Variants in ARID5B observed in about 807,000 individuals in gnomAD.
ARID5B encodes the protein AT-rich interaction domain 5B, also known as AT-rich interactive domain-containing protein 5B.
Under a neutral mutation model 97.2 loss-of-function variants are expected in ARID5B, and 13 were observed. That is an observed-to-expected ratio of 0.13 (90% CI 0.09 to 0.21). ARID5B has a LOEUF of 0.21. Ranked by LOEUF, ARID5B falls within the 10% of genes least tolerant of loss-of-function variation. The pLI, the probability that ARID5B is intolerant of heterozygous loss-of-function variation, is 1.00. For synonymous variants in ARID5B, 556 were observed against 570.3 expected (o/e 0.97, Z 0.36); for missense variants, 1,210 against 1,465.3 (o/e 0.83, Z 2.84).
intron 7 of ARID5B, 58 bp from the exon 8 acceptor site, chr10:62,069,641 GC>G: frequency 6.8e-7 from 1 of 1,466,774 alleles, no homozygotes; most frequent in Non-Finnish European, 9.5e-7. Context: ...ATGTATTGAA[GC>G]CTGGCACTAT....
intron 7 of ARID5B, among the ~76,000 whole-genome samples, chr10:62,066,484 G>A (rs761158088): frequency 2.6e-5 from 4 of 152,212 alleles, no homozygotes; most frequent in South Asian, 4.2e-4. Flanking sequence ...CCACTTCCTC[G>A]AAGGGCCAGA....
chr10:62,069,866 T>C lies in ARID5B; in HGVS notation c.1199+69T>C, dbSNP rs188223680. 273 of 1,495,092 alleles carry C rather than the reference T, an allele frequency of 1.8e-4. No homozygotes were observed. In the African/African-American group the frequency reaches 3.4e-3, roughly 19 times the overall value. 92.6% of individuals were successfully genotyped at this position (1,495,092 alleles called of 1,614,324 possible). A position where few individuals can be genotyped will look rare whatever the true frequency, so the allele number is the denominator to read the frequency against. On this transcript the variant is annotated intron_variant, in intron 8 of 9. Coordinates refer to ENST00000279873, the MANE Select transcript of ARID5B (RefSeq NM_032199.3). ...ATTGAAAGGAGCTTCTGGTCAAGGATAAGACAGAGGAAGTCTAAATGACCT... is the reference window on the plus strand; with the variant it reads ...ATTGAAAGGAGCTTCTGGTCAAGGACAAGACAGAGGAAGTCTAAATGACCT...
At chr10:62,024,801 C>T (rs1839399532) in intron 4 of ARID5B, 2 of 385,082 alleles carry the variant, frequency 5.2e-6, no homozygotes, top group East Asian at 7.2e-5. Flanking sequence ...GAATGATCAT[C>T]TGTATTGTTA....
chr10:61,919,837 A>T (rs1843980677), intron 2 of ARID5B, among the ~76,000 whole-genome samples: 1 of 152,038 alleles, frequency 6.6e-6, no homozygotes, highest in Admixed American at 6.5e-5. Context: ...GCTCTAGTAA[A>T]AAGACTGAAG....
At chr10:61,910,561 G>A (rs1389466173) in intron 2 of ARID5B, among the ~76,000 whole-genome samples, 1 of 152,168 alleles carries the variant, frequency 6.6e-6, no homozygotes, top group African/African-American at 2.4e-5. Context: ...TTCTGGCCAC[G>A]CTGTGTTCCT....
chr10:61,957,154 G>C (rs140753306), intron 3 of ARID5B, among the ~76,000 whole-genome samples: 1 of 152,242 alleles, frequency 6.6e-6, no homozygotes, highest in East Asian at 1.9e-4. Flanking sequence ...TCTGAAATGT[G>C]GCTACTACAG....
chr10:61,946,137 G>A (rs1471973912), intron 3 of ARID5B, among the ~76,000 whole-genome samples: 1 of 150,762 alleles, frequency 6.6e-6, no homozygotes, highest in Non-Finnish European at 1.5e-5. Context: ...AATAAACTGA[G>A]CCATAAGTGG....
At chr10:62,079,631 G>A (rs1840183414) in intron 8 of ARID5B, among the ~76,000 whole-genome samples, 2 of 152,140 alleles carry the variant, frequency 1.3e-5, no homozygotes, top group South Asian at 4.1e-4. Flanking sequence ...CTTTATGGGA[G>A]CCGAGCCACC....
At chr10:61,982,500 TA>T (rs375295059) in intron 3 of ARID5B, among the ~76,000 whole-genome samples, 124 of 152,106 alleles carry the variant, frequency 8.2e-4, no homozygotes, top group Admixed American at 2.4e-3. Flanking sequence ...TATTCTGAGT[TA>T]AAAAAAATGC....
intron 2 of ARID5B, among the ~76,000 whole-genome samples, chr10:61,915,175 G>A (rs58936043): frequency 0.3 from 45,239 of 152,092 alleles, 7,291 homozygotes; most frequent in Non-Finnish European, 0.36. Flanking sequence ...TTTCACAGGA[G>A]AGAAGTCTCA....
At chr10:62,042,525 C>T (rs893248124) in intron 4 of ARID5B, among the ~76,000 whole-genome samples, 2 of 152,162 alleles carry the variant, frequency 1.3e-5, no homozygotes, top group Non-Finnish European at 2.9e-5. Context: ...CCTTTGCGTG[C>T]AGTATCAGCT....
At position 62,096,936 on chromosome 10, in the gene ARID5B, A is replaced by C. The variant is rs1241729206; in HGVS notation, c.*3906A>C. On this transcript the variant is annotated 3_prime_UTR_variant, in exon 10 of 10. Coordinates refer to ENST00000279873, the MANE Select transcript of ARID5B (RefSeq NM_032199.3). ...GTAATATTTAATAAAAAATGTTACT[A>C]TCTGTTTCCTTTTGGGTGTGAGTAA... 1 of 231,948 alleles carries C rather than the reference A, an allele frequency of 4.3e-6. No homozygotes were observed. The highest frequency in any genetic ancestry group is 5.6e-5 in the Admixed American group (1 of 17,704). 14.4% of individuals were successfully genotyped at this position (231,948 alleles called of 1,614,324 possible). A position where few individuals can be genotyped will look rare whatever the true frequency, so the allele number is the denominator to read the frequency against.
chr10:62,020,550 G>T (rs1004369855), intron 4 of ARID5B, among the ~76,000 whole-genome samples: 10 of 152,126 alleles, frequency 6.6e-5, no homozygotes, highest in Non-Finnish European at 1.2e-4. Flanking sequence ...GCTTTGAAAA[G>T]AGCTCAGGGG....
chr10:62,039,348 C>G (rs1839605562), intron 4 of ARID5B, among the ~76,000 whole-genome samples: 1 of 152,212 alleles, frequency 6.6e-6, no homozygotes, highest in African/African-American at 2.4e-5. Flanking sequence ...AAATTTTGGT[C>G]TAAGCCTTTC....
chr10:61,924,426 C>T (rs1844067957), intron 2 of ARID5B, among the ~76,000 whole-genome samples: 1 of 152,204 alleles, frequency 6.6e-6, no homozygotes, highest in Non-Finnish European at 1.5e-5. Flanking sequence ...TGCAGCAGAG[C>T]ATATCACTAG....
intron 4 of ARID5B, 24 bp from the exon 5 acceptor site, chr10:62,050,864 C>T (rs766803815): frequency 8.2e-6 from 13 of 1,592,274 alleles, no homozygotes; most frequent in East Asian, 4.5e-5. Flanking sequence ...AAATGTATAT[C>T]AATTGTTTTC....
intron 3 of ARID5B, among the ~76,000 whole-genome samples, chr10:61,941,000 T>G (rs1844401345): frequency 8.8e-6 from 1 of 114,162 alleles, no homozygotes; most frequent in African/African-American, 3.4e-5. Flanking sequence ...TTTTTTTTTT[T>G]TGCTTCCCTC....
intron 2 of ARID5B, among the ~76,000 whole-genome samples, chr10:61,911,372 G>A (rs982136622): frequency 6.6e-6 from 1 of 152,082 alleles, no homozygotes; most frequent in Non-Finnish European, 1.5e-5. Context: ...GGAGAGTAAA[G>A]CATACATAGA....
At chr10:61,918,791 T>G in intron 2 of ARID5B, among the ~76,000 whole-genome samples, 1 of 151,866 alleles carries the variant, frequency 6.6e-6, no homozygotes, top group East Asian at 1.9e-4. Context: ...CCAGCACTTT[T>G]GGGAGGCTGA....
Sources: allele counts gnomAD v4.1 joint callset (sites outside exome capture counted in the v4.1 genomes callset), GRCh38; gene constraint gnomAD v4.1.1; transcripts MANE v1.5; gene names NCBI Gene and HGNC (gene_info 2026-07-23, HGNC 2026-07-21).